The following OSBPL1A variants were observed in gnomAD, a reference collection of about 807,000 sequenced individuals.
OSBPL1A encodes oxysterol-binding protein-related protein 1.
A neutral mutation model predicts 137.1 loss-of-function variants in OSBPL1A; 80 were observed. The observed-to-expected ratio is 0.58, with a 90% CI of 0.49 to 0.70. The LOEUF is 0.70. Ranked by LOEUF, OSBPL1A falls within the 30% of genes least tolerant of loss-of-function variation. The pLI is 0.00. For missense variants in OSBPL1A, 970 were observed against 1,129.4 expected, an observed-to-expected ratio of 0.86 and a Z score of 2.02; for synonymous variants, 365 against 389.7, an observed-to-expected ratio of 0.94 and a Z score of 0.75.
At chr18:24,165,884 T>TCAGGAGATCCAAGGAGGC (rs1240543983) in intron 26 of OSBPL1A, among the ~76,000 whole-genome samples, 1 of 151,952 alleles carries the variant, frequency 6.6e-6, no homozygotes, top group Non-Finnish European at 1.5e-5. Context: ...TCACCTGAGG[T>TCAGGAGATCCAAGGAGGC]CAGAAGGTCC....
chr18:24,389,707 A>G (rs1036964634), intron 1 of OSBPL1A, among the ~76,000 whole-genome samples: 12 of 152,262 alleles, frequency 7.9e-5, no homozygotes, highest in Non-Finnish European at 1.3e-4. Flanking sequence ...TTGGGAGGCC[A>G]GGGAGGGCAG....
intron 15 of OSBPL1A, among the ~76,000 whole-genome samples, chr18:24,254,035 C>G (rs1223755951): frequency 6.6e-6 from 1 of 152,184 alleles, no homozygotes; most frequent in Non-Finnish European, 1.5e-5. Flanking sequence ...CAAAGTTAGT[C>G]TGACCTATGC....
At chr18:24,207,805 GCA>G (rs2145962507) in intron 17 of OSBPL1A, among the ~76,000 whole-genome samples, 1 of 152,266 alleles carries the variant, frequency 6.6e-6, no homozygotes, top group African/African-American at 2.4e-5. Flanking sequence ...GAATGCAGTG[GCA>G]CAGTCTTGGC....
rs1259909589 is a variant in OSBPL1A at position 24,294,453 on chromosome 18, C to T, written c.1174+9184G>A. Among the ~76,000 whole-genome samples, 11 of 152,110 alleles carry T rather than the reference C, an allele frequency of 7.2e-5. No individual in the cohort carries two copies. In the East Asian group the frequency reaches 1.9e-3, roughly 27 times the overall value. ...TTCACCATGTTGGCCAGGCTGGTCT[C>T]GAACTCCTGACCTCAGGTGATCCGC... is the stretch of plus-strand genomic sequence containing the variant. On this transcript the variant is annotated intron_variant, in intron 14 of 27. Transcript: ENST00000319481.
intron 16 of OSBPL1A, among the ~76,000 whole-genome samples, chr18:24,229,895 C>A (rs1312902507): frequency 1.3e-5 from 2 of 152,010 alleles, no homozygotes; most frequent in Admixed American, 1.3e-4. Flanking sequence ...GGACTATAAG[C>A]GCGCGCCACC....
intron 5 of OSBPL1A, among the ~76,000 whole-genome samples, chr18:24,335,954 T>G (rs2091167871): frequency 6.6e-6 from 1 of 152,222 alleles, no homozygotes; most frequent in Non-Finnish European, 1.5e-5. Flanking sequence ...GCCAAGACTC[T>G]CTGTAGACTG....
chr18:24,165,650 G>A (rs2086128626), intron 26 of OSBPL1A, among the ~76,000 whole-genome samples: 1 of 152,192 alleles, frequency 6.6e-6, no homozygotes, highest in African/African-American at 2.4e-5. Context: ...CCTAGTGTGG[G>A]AGAGGATGAT....
At chr18:24,163,313 G>T (rs1350879737) in intron 27 of OSBPL1A, 32 bp from the exon 28 acceptor site, 1 of 1,460,142 alleles carries the variant, frequency 6.8e-7, no homozygotes, top group Non-Finnish European at 9.5e-7. Context: ...GACTTACAGG[G>T]GAAACTATGG....
chr18:24,207,834 C>T (rs2087418376), intron 17 of OSBPL1A, among the ~76,000 whole-genome samples: 1 of 152,196 alleles, frequency 6.6e-6, no homozygotes, highest in African/African-American at 2.4e-5. Context: ...CATCCTCTGC[C>T]TCCTGGGTTC....
intron 15 of OSBPL1A, among the ~76,000 whole-genome samples, chr18:24,265,017 C>A (rs1485046663): frequency 6.6e-6 from 1 of 152,178 alleles, no homozygotes; most frequent in Admixed American, 6.5e-5. Context: ...GTCTTATATA[C>A]TGGCATCCAC....
intron 11 of OSBPL1A, among the ~76,000 whole-genome samples, chr18:24,315,891 A>C (rs1355709749): frequency 1.5e-5 from 2 of 131,784 alleles, no homozygotes; most frequent in East Asian, 4.0e-4. Flanking sequence ...AAAATATATT[A>C]AAGATATTAT....
chr18:24,368,175 T>C (rs9948425), intron 3 of OSBPL1A, 112 bp downstream of exon 3: 6,991 of 652,598 alleles, frequency 0.011, 210 homozygotes, highest in African/African-American at 0.082. Flanking sequence ...TGATGAACTA[T>C]TGCTTTAAAT....
intron 16 of OSBPL1A, 72 bp from the exon 17 acceptor site, chr18:24,225,270 C>G: frequency 1.3e-6 from 2 of 1,535,640 alleles, no homozygotes; most frequent in East Asian, 4.5e-5. Context: ...GGATCCCTCC[C>G]TTCATGCCTC....
At chr18:24,342,853 A>G (rs1296666268) in intron 4 of OSBPL1A, among the ~76,000 whole-genome samples, 1 of 152,090 alleles carries the variant, frequency 6.6e-6, no homozygotes, top group Non-Finnish European at 1.5e-5. Flanking sequence ...CACATTTTTC[A>G]TATTTGAGTA....
Position 24,163,075 on chromosome 18 carries a change from A to AT in OSBPL1A, c.*103dup, listed in dbSNP as rs3216111. ...GCAGTTATCTCATGAGTGTTTTTTCATTTTTTTTTTTAAAAGATAAGTAGA... is the reference window on the plus strand; with the variant it reads ...GCAGTTATCTCATGAGTGTTTTTTCATTTTTTTTTTTTAAAAGATAAGTAGA... On this transcript the variant is annotated 3_prime_UTR_variant, in exon 28 of 28. Coordinates refer to ENST00000319481, the MANE Select transcript of OSBPL1A (RefSeq NM_080597.4). The AT allele has an allele frequency of 0.03, 20,960 of 694,406 alleles. 1,855 individuals carry two copies. Among genetic ancestry groups the AT allele is most frequent in the African/African-American group, 0.28 (14,931 of 53,414 alleles). 43.0% of individuals were successfully genotyped at this position (694,406 alleles called of 1,614,324 possible).
intron 15 of OSBPL1A, among the ~76,000 whole-genome samples, chr18:24,276,678 C>T (rs1044723294): frequency 6.6e-6 from 1 of 152,066 alleles, no homozygotes; most frequent in African/African-American, 2.4e-5. Context: ...CTCCTGACCT[C>T]AGGTGATCCA....
chr18:24,256,777 T>G (rs1255960345), intron 15 of OSBPL1A, among the ~76,000 whole-genome samples: 1 of 151,702 alleles, frequency 6.6e-6, no homozygotes, highest in Non-Finnish European at 1.5e-5. Context: ...GGATACAAGA[T>G]CAACATACAA....
At chr18:24,262,121 T>C (rs997779768) in intron 15 of OSBPL1A, among the ~76,000 whole-genome samples, 1 of 152,224 alleles carries the variant, frequency 6.6e-6, no homozygotes, top group Non-Finnish European at 1.5e-5. Context: ...TAGCGAAATA[T>C]TTTAAAATAC....
chr18:24,238,609 A>G (rs2088574700), intron 16 of OSBPL1A, among the ~76,000 whole-genome samples: 1 of 152,242 alleles, frequency 6.6e-6, no homozygotes, highest in Non-Finnish European at 1.5e-5. Context: ...TGCGGAAACT[A>G]TGAAGAGAGA....
Sources: gnomAD v4.1 joint callset for allele counts (sites outside exome capture counted in the v4.1 genomes callset) on GRCh38, gnomAD v4.1.1 for gene constraint, MANE v1.5 for transcripts, NCBI Gene and HGNC (gene_info 2026-07-23, HGNC 2026-07-21) for gene names.